SBF2: variants seen among roughly 807,000 people sequenced by gnomAD.
The protein encoded by SBF2 is SET binding factor 2, also known as myotubularin-related protein 13.
In SBF2, 112 loss-of-function variants were observed where a neutral mutation model predicts 225.2. The observed-to-expected ratio is 0.50, with a 90% confidence interval of 0.43 to 0.58. SBF2 has a LOEUF of 0.58. Ranked by LOEUF, SBF2 falls within the 20% of genes least tolerant of loss-of-function variation. The probability of loss-of-function intolerance (pLI) is 0.00; values close to 1 mark genes in which losing one functional copy is unlikely to be tolerated. For missense variants in SBF2, 1,996 were observed against 2,206.2 expected (o/e 0.90, Z 1.91); for synonymous variants, 763 against 773.3 (o/e 0.99, Z 0.22).
chr11:10,226,097 T>C (rs967323304), intron 1 of SBF2, among the ~76,000 whole-genome samples: 1 of 152,142 alleles, frequency 6.6e-6, no homozygotes, highest in African/African-American at 2.4e-5. Flanking sequence ...ACACTGGCAA[T>C]TTTTAAAATA....
intron 2 of SBF2, among the ~76,000 whole-genome samples, chr11:10,177,122 C>T (rs12293716): frequency 0.022 from 3,272 of 151,796 alleles, 89 homozygotes; most frequent in African/African-American, 0.065. Context: ...GCACAAAAGG[C>T]CTTTGACAAA....
At chr11:9,854,549 G>C (rs1004390968) in intron 19 of SBF2, among the ~76,000 whole-genome samples, 1 of 152,150 alleles carries the variant, frequency 6.6e-6, no homozygotes, top group Non-Finnish European at 1.5e-5. Context: ...GACTTTGAGA[G>C]AGCACTGTCA....
intron 17 of SBF2, among the ~76,000 whole-genome samples, chr11:9,892,493 G>T (rs1317268400): frequency 6.6e-6 from 1 of 151,906 alleles, no homozygotes; most frequent in African/African-American, 2.4e-5. Flanking sequence ...ATGGGGTGAA[G>T]GTGGAAAAGG....
chr11:10,135,020 G>T (rs1954279416), intron 2 of SBF2, among the ~76,000 whole-genome samples: 1 of 152,234 alleles, frequency 6.6e-6, no homozygotes, highest in Non-Finnish European at 1.5e-5. Context: ...CAGCAAACTT[G>T]TTCCTGGACA....
intron 2 of SBF2, among the ~76,000 whole-genome samples, chr11:10,070,051 T>C (rs1311914808): frequency 1.3e-5 from 2 of 152,228 alleles, no homozygotes; most frequent in East Asian, 3.8e-4. Context: ...AGATTCTGGA[T>C]ATTAGCCCTT....
In SBF2 at chr11:10,089,727, TCTGGTCCACAAGC is replaced by T. The variant is rs138608898; in HGVS notation, c.142-46759_142-46747del. 3.2e-3 allele frequency among the ~76,000 whole-genome samples: 484 copies of T among 152,314 alleles called. 9 individuals are homozygous for T. The East Asian group carries it at 0.053, about 17-fold the overall frequency. On this transcript the variant is annotated intron_variant, in intron 2 of 39. Coordinates refer to ENST00000256190, the MANE Select transcript of SBF2 (RefSeq NM_030962.4). Reference sequence around the variant, plus strand: ...ATAAAGTGTCATCTTTTCAAAAATTTCTGGTCCACAAGCCTGGTCCACAAGCCAAACCAACACA... The same window carrying T: ...ATAAAGTGTCATCTTTTCAAAAATTTCTGGTCCACAAGCCAAACCAACACA...
intron 1 of SBF2, among the ~76,000 whole-genome samples, chr11:10,286,166 G>GCGCACACACACA (rs373771420): frequency 9.1e-4 from 134 of 147,356 alleles, no homozygotes; most frequent in African/African-American, 3.0e-3. Context: ...ACACGCACAC[G>GCGCACACACACA]CACACACACA....
intron 2 of SBF2, chr11:10,149,605 G>A (rs1955072600): frequency 1.3e-5 from 2 of 152,146 alleles, no homozygotes; most frequent in Non-Finnish European, 2.9e-5. Context: ...TAGATTTCTA[G>A]CCATCCCAAT....
At chr11:10,070,285 T>C (rs1485593677) in intron 2 of SBF2, among the ~76,000 whole-genome samples, 4 of 152,250 alleles carry the variant, frequency 2.6e-5, no homozygotes, top group African/African-American at 9.6e-5. Flanking sequence ...GTTTTTATGG[T>C]TTTATGTCTA....
At chr11:10,064,476 G>A (rs766621836) in intron 2 of SBF2, among the ~76,000 whole-genome samples, 1 of 152,068 alleles carries the variant, frequency 6.6e-6, no homozygotes, top group Non-Finnish European at 1.5e-5. Context: ...AACCATATTA[G>A]TCATCACATT....
intron 3 of SBF2, among the ~76,000 whole-genome samples, chr11:10,040,055 T>C (rs1178495549): frequency 2.6e-5 from 4 of 151,972 alleles, no homozygotes; most frequent in Non-Finnish European, 5.9e-5. Context: ...TAGAAAATAA[T>C]CATTTTTTGT....
At chr11:10,048,726 T>C (rs73410851) in intron 2 of SBF2, among the ~76,000 whole-genome samples, 1,633 of 152,318 alleles carry the variant, frequency 0.011, 32 homozygotes, top group African/African-American at 0.037. Flanking sequence ...ATTATCATAC[T>C]ATTAGTTAAT....
At chr11:10,204,719 C>T (rs1957693418) in intron 1 of SBF2, among the ~76,000 whole-genome samples, 1 of 151,014 alleles carries the variant, frequency 6.6e-6, no homozygotes, top group Non-Finnish European at 1.5e-5. Context: ...TCCTTGAAAA[C>T]CATATGCTAA....
chr11:9,858,019 C>T (rs1237325460), intron 18 of SBF2, among the ~76,000 whole-genome samples: 1 of 152,062 alleles, frequency 6.6e-6, no homozygotes, highest in Non-Finnish European at 1.5e-5. Flanking sequence ...TAAAACAATC[C>T]TAGTGCTGAA....
Position 9,896,867 on chromosome 11 carries a change from T to C in SBF2, c.1861-856A>G, listed in dbSNP as rs1288021628. On this transcript the variant is annotated intron_variant, in intron 16 of 39. Coordinates refer to ENST00000256190, the MANE Select transcript of SBF2 (RefSeq NM_030962.4). ...GATATATCACTGATTCTAAAACCCA[T>C]TGAGTGAAATGCTGATGAATAGAAA... is the stretch of plus-strand genomic sequence containing the variant. Among the ~76,000 whole-genome samples, 7 of 151,762 alleles carry C rather than the reference T, an allele frequency of 4.6e-5. No individual in the cohort carries two copies. The South Asian group carries it at 6.2e-4, about 14-fold the overall frequency.
At chr11:9,824,095 A>G (rs1158011326) in intron 28 of SBF2, among the ~76,000 whole-genome samples, 1 of 152,262 alleles carries the variant, frequency 6.6e-6, no homozygotes, top group Non-Finnish European at 1.5e-5. Flanking sequence ...CATAGTGGTC[A>G]TAAGTTAAAT....
chr11:9,790,730 C>T (rs1339857982), intron 33 of SBF2, 47 bp from the exon 34 acceptor site: 3 of 1,485,816 alleles, frequency 2.0e-6, no homozygotes, highest in Non-Finnish European at 2.8e-6. Context: ...TAAATTCACA[C>T]TTTGCCAAAA....
intron 6 of SBF2, among the ~76,000 whole-genome samples, chr11:10,022,717 A>G (rs1462475814): frequency 6.6e-6 from 1 of 152,032 alleles, no homozygotes; most frequent in South Asian, 2.1e-4. Context: ...GTACATCCGT[A>G]GACACTATAG....
Position 10,081,580 on chromosome 11 carries a change from G to T in SBF2, c.142-38599C>A, listed in dbSNP as rs745929497. Reference sequence around the variant, plus strand: ...TCGAGACCATCCTGGCTAACATGGTGAAACCCCATCTCTACTAAAATTACA... The same window carrying T: ...TCGAGACCATCCTGGCTAACATGGTTAAACCCCATCTCTACTAAAATTACA... On this transcript the variant is annotated intron_variant, in intron 2 of 39. Coordinates refer to ENST00000256190, the MANE Select transcript of SBF2 (RefSeq NM_030962.4). Among the ~76,000 whole-genome samples the T allele has an allele frequency of 2.6e-5, 4 of 152,098 alleles. No individual in the cohort carries two copies. In the South Asian group the frequency reaches 6.2e-4, roughly 24 times the overall value.
Sources: gnomAD v4.1 joint callset for allele counts (sites outside exome capture counted in the v4.1 genomes callset) on GRCh38, gnomAD v4.1.1 for gene constraint, MANE v1.5 for transcripts, NCBI Gene and HGNC (gene_info 2026-07-23, HGNC 2026-07-21) for gene names.